Variants in STARD13 observed in about 807,000 individuals in gnomAD.
STARD13 encodes the protein stAR-related lipid transfer protein 13.
In STARD13, 62 loss-of-function variants were observed where a neutral mutation model predicts 106.4. The observed-to-expected ratio is 0.58, with a 90% CI of 0.48 to 0.72. The LOEUF (loss-of-function observed/expected upper bound fraction) is 0.72. STARD13 is among the 30% of genes least tolerant of loss of function. STARD13 has a pLI of 0.00. For synonymous variants in STARD13, 565 were observed against 553.0 expected (o/e 1.02, Z -0.31); for missense variants, 1,387 against 1,424.0 (o/e 0.97, Z 0.42).
chr13:33,242,082 T>A lies in STARD13; in HGVS notation c.169+43388A>T, dbSNP rs375307311. On this transcript the variant is annotated intron_variant, in intron 1 of 13. Coordinates refer to ENST00000336934, the MANE Select transcript of STARD13 (RefSeq NM_178006.4). ...GCGCCTCTGCCTGGCCGCAACCCAG[T>A]CTGGGATCTGAGGAGTGTCTCTGCC... 2.3e-4 allele frequency among the ~76,000 whole-genome samples: 35 copies of A among 150,980 alleles called. 1 individual carries two copies. The East Asian group carries it at 6.3e-3, about 27-fold the overall frequency.
chr13:33,182,929 T>A (rs1223854439), intron 1 of STARD13, among the ~76,000 whole-genome samples: 1 of 152,210 alleles, frequency 6.6e-6, no homozygotes, highest in African/African-American at 2.4e-5. Context: ...CTTCTGGGGC[T>A]CACGTGCAGT....
chr13:33,199,125 A>T (rs1886837193), intron 1 of STARD13, among the ~76,000 whole-genome samples: 1 of 152,184 alleles, frequency 6.6e-6, no homozygotes, highest in Non-Finnish European at 1.5e-5. Flanking sequence ...TTTACCTTCT[A>T]CTGAAATCTG....
At chr13:33,228,505 G>A (rs1369272715) in intron 1 of STARD13, among the ~76,000 whole-genome samples, 1 of 151,946 alleles carries the variant, frequency 6.6e-6, no homozygotes, top group African/African-American at 2.4e-5. Context: ...ACTCCTTAGT[G>A]AAAGAAACTC....
the STARD13 span, among the ~76,000 whole-genome samples, chr13:33,606,831 C>T: frequency 6.6e-6 from 1 of 152,212 alleles, no homozygotes; most frequent in African/African-American, 2.4e-5. Context: ...GGGGAGAATT[C>T]TCTTCCTTAA....
chr13:33,634,659 T>C, the STARD13 span, among the ~76,000 whole-genome samples: 1 of 152,162 alleles, frequency 6.6e-6, no homozygotes, highest in Non-Finnish European at 1.5e-5. Flanking sequence ...CAGAACTGAA[T>C]AGTTCAAATT....
At chr13:33,487,438 A>C in the STARD13 span, among the ~76,000 whole-genome samples, 45,394 of 152,052 alleles carry the variant, frequency 0.3, 7,644 homozygotes, top group Non-Finnish European at 0.39. Flanking sequence ...ATCCCTTATA[A>C]ATGAGGAGAC....
intron 1 of STARD13, among the ~76,000 whole-genome samples, chr13:33,221,269 C>G (rs967307187): frequency 3.3e-5 from 5 of 152,100 alleles, no homozygotes; most frequent in African/African-American, 9.7e-5. Context: ...CCCTGGAAAC[C>G]ACTGTTGGAT....
chr13:33,414,152 CTAAAGTT>C, the STARD13 span, among the ~76,000 whole-genome samples: 1 of 151,886 alleles, frequency 6.6e-6, no homozygotes, highest in Non-Finnish European at 1.5e-5. Flanking sequence ...ATTAAAATGG[CTAAAGTT>C]TAAAAATAGA....
the STARD13 span, among the ~76,000 whole-genome samples, chr13:33,618,174 A>C: frequency 5.3e-5 from 8 of 152,254 alleles, no homozygotes; most frequent in Non-Finnish European, 1.2e-4. Context: ...TTAACTCTCC[A>C]TTAATGGATT....
chr13:33,495,735 T>A, the STARD13 span, among the ~76,000 whole-genome samples: 1 of 151,130 alleles, frequency 6.6e-6, no homozygotes, highest in Non-Finnish European at 1.5e-5. Flanking sequence ...TCAATTTTCA[T>A]CTTGAGCTAA....
the STARD13 span, among the ~76,000 whole-genome samples, chr13:33,409,511 T>A: frequency 1.3e-5 from 2 of 152,168 alleles, no homozygotes; most frequent in East Asian, 3.8e-4. Flanking sequence ...GTTGCAGATT[T>A]TCTTCTTCTC....
the STARD13 span, among the ~76,000 whole-genome samples, chr13:33,519,273 T>TTTCTTTC: frequency 7.3e-6 from 1 of 136,428 alleles, no homozygotes; most frequent in Non-Finnish European, 1.6e-5. Context: ...TCTTTCTTTC[T>TTTCTTTC]TTTCTTTCTC....
At chr13:33,590,648 A>T in the STARD13 span, among the ~76,000 whole-genome samples, 3 of 140,036 alleles carry the variant, frequency 2.1e-5, no homozygotes, top group Admixed American at 7.8e-5. Context: ...GAATTGAACA[A>T]TGAGAACACT....
intron 1 of STARD13, among the ~76,000 whole-genome samples, chr13:33,291,353 A>G (rs1892286502): frequency 6.6e-6 from 1 of 152,204 alleles, no homozygotes; most frequent in South Asian, 2.1e-4. Context: ...ACATGACTTT[A>G]GCCATTCATC....
the STARD13 span, among the ~76,000 whole-genome samples, chr13:33,635,907 C>T: frequency 1.6e-4 from 24 of 151,908 alleles, no homozygotes; most frequent in Middle Eastern, 3.4e-3. Context: ...TGGCGTGAAC[C>T]CGGGAGGCAG....
the STARD13 span, among the ~76,000 whole-genome samples, chr13:33,446,379 A>T: frequency 1.3e-5 from 2 of 152,140 alleles, no homozygotes; most frequent in African/African-American, 4.8e-5. Context: ...AGAGACAGGG[A>T]TGATCACAAT....
At chr13:33,350,520 G>C (rs887846056) in exon 1 of STARD13, 2 of 1,451,272 alleles carry the variant, frequency 1.4e-6, no homozygotes, top group Non-Finnish European at 1.8e-6. Context: ...CACTCCCGCC[G>C]GGGTCCCGGG....
chr13:33,203,369 T>C (rs1887189367), intron 1 of STARD13, among the ~76,000 whole-genome samples: 1 of 152,238 alleles, frequency 6.6e-6, no homozygotes, highest in Non-Finnish European at 1.5e-5. Context: ...TGCTATGCTA[T>C]CAGTTTTACT....
the STARD13 span, among the ~76,000 whole-genome samples, chr13:33,527,318 C>T: frequency 6.6e-6 from 1 of 152,016 alleles, no homozygotes; most frequent in Admixed American, 6.6e-5. Context: ...CCCCTTCCCC[C>T]ACACAAAAAA....
Sources: allele counts gnomAD v4.1 joint callset (sites outside exome capture counted in the v4.1 genomes callset), GRCh38; gene constraint gnomAD v4.1.1; transcripts MANE v1.5; gene names NCBI Gene and HGNC (gene_info 2026-07-23, HGNC 2026-07-21).